The following HMGXB3 variants were observed in gnomAD, a reference collection of about 807,000 sequenced individuals.
HMGXB3 encodes the protein HMG domain-containing protein 3.
HMGXB3 carries 45 observed loss-of-function variants against 121.5 expected under a neutral mutation model. The observed-to-expected ratio is 0.37, with a 90% CI of 0.29 to 0.47. HMGXB3 has a LOEUF of 0.47. Ranked by LOEUF, HMGXB3 falls within the 20% of genes least tolerant of loss-of-function variation. The probability of loss-of-function intolerance (pLI) is 0.99; values close to 1 mark genes in which losing one functional copy is unlikely to be tolerated. For missense variants in HMGXB3, 1,376 were observed against 1,602.2 expected, an observed-to-expected ratio of 0.86 and a Z score of 2.41; for synonymous variants, 590 against 624.1, an observed-to-expected ratio of 0.95 and a Z score of 0.81.
chr5:150,026,739 A>G lies in HMGXB3; in HGVS notation c.1494A>G (p.Pro498=), dbSNP rs1756239696. The G allele has an allele frequency of 1.3e-6, 2 of 1,551,442 alleles. No individual in the cohort carries two copies. The highest frequency in any genetic ancestry group is 1.7e-6 in the Non-Finnish European group (2 of 1,146,926). ...TGCTTACCCCTGGGTCCAGAGCTCC[A>G]GAGCTTAAAGGCAGAGCACGGGGCA... The part of the protein sequence containing the change: ...ADLLTPGSRA[P]ELKGRARGKP... Residue 498 remains proline (P), a synonymous_variant, in exon 8 of 20, where the codon CCA becomes CCG. Coordinates refer to ENST00000502717, the MANE Select transcript of HMGXB3 (RefSeq NM_014983.3).
chr5:150,003,770 C>A (rs1220948011), intron 1 of HMGXB3, among the ~76,000 whole-genome samples: 1 of 151,930 alleles, frequency 6.6e-6, no homozygotes, highest in Non-Finnish European at 1.5e-5. Flanking sequence ...TTGAGACCAG[C>A]CTGGCCAACA....
At chr5:150,037,056 T>C (rs1756517511) in intron 12 of HMGXB3, 119 bp downstream of exon 12, 2 of 910,306 alleles carry the variant, frequency 2.2e-6, no homozygotes, top group African/African-American at 1.7e-5. Context: ...GTTTTTAGGC[T>C]TCCTTTAACT....
chr5:150,008,633 GTCC>G (rs772713116), intron 3 of HMGXB3, among the ~76,000 whole-genome samples: 21 of 152,218 alleles, frequency 1.4e-4, no homozygotes, highest in Non-Finnish European at 2.6e-4. Flanking sequence ...GTGGCAGGCT[GTCC>G]TCCTTAGCAG....
Position 150,045,636 on chromosome 5 carries a change from G to T in HMGXB3, c.2901G>T (p.Val967=). The T allele has an allele frequency of 6.4e-7, 1 of 1,551,766 alleles. No homozygotes were observed. The highest frequency in any genetic ancestry group is 1.4e-5 in the African/African-American group (1 of 73,152). The change falls in exon 16 of 20, where the codon GTG becomes GTT. Residue 967 remains valine, a synonymous_variant. Coordinates refer to ENST00000502717, the MANE Select transcript of HMGXB3 (RefSeq NM_014983.3). ...PFFPPLMRGA[V]VVNTEKDKNL... ...TCCCACCACTCATGAGAGGAGCTGT[G>T]GTCGTCAACACTGAGAAAGACAAAA...
intron 11 of HMGXB3, 40 bp downstream of exon 11, chr5:150,032,643 G>A (rs1457326090): frequency 3.2e-6 from 5 of 1,549,204 alleles, no homozygotes; most frequent in Non-Finnish European, 4.4e-6. Context: ...GGCCTGTTCT[G>A]GGCTCTGTTA....
chr5:150,001,493 A>C (rs1755564057), intron 1 of HMGXB3, among the ~76,000 whole-genome samples: 1 of 152,182 alleles, frequency 6.6e-6, no homozygotes, highest in South Asian at 2.1e-4. Flanking sequence ...GGGACAGAGA[A>C]AGTGTCTCGC....
At chr5:150,006,911 C>T (rs1050720748) in intron 3 of HMGXB3, among the ~76,000 whole-genome samples, 1 of 152,090 alleles carries the variant, frequency 6.6e-6, no homozygotes, top group African/African-American at 2.4e-5. Flanking sequence ...TTTAGTGTAA[C>T]TTGGAGCCCC....
rs141073864 is a variant in HMGXB3 at position 150,052,701 on chromosome 5, T to C, written c.*509T>C. On this transcript the variant is annotated 3_prime_UTR_variant, in exon 20 of 20. Transcript: ENST00000502717. ...CTAGGGGTCCCTTTGGGCTCTTGATTCTCCCTGAAGGAGGGATGCATTTCT... is the reference window on the plus strand; with the variant it reads ...CTAGGGGTCCCTTTGGGCTCTTGATCCTCCCTGAAGGAGGGATGCATTTCT... The C allele has an allele frequency of 0.013, 2,067 of 156,682 alleles. 18 individuals carry two copies. The highest frequency in any genetic ancestry group is 0.02 in the Non-Finnish European group (1,389 of 70,740). The allele number at this position is 156,682 out of a possible 1,614,324, so 9.7% of individuals were successfully genotyped here.
At position 150,026,904 on chromosome 5, in the gene HMGXB3, G is replaced by T. The variant is rs1375271348; in HGVS notation, c.1636+23G>T. 6.6e-7 allele frequency: 1 copy of T among 1,510,728 alleles called. No individual in the cohort carries two copies. The highest frequency in any genetic ancestry group is 8.9e-7 in the Non-Finnish European group (1 of 1,125,066). 93.6% of individuals were successfully genotyped at this position (1,510,728 alleles called of 1,614,324 possible). A position where few individuals can be genotyped will look rare whatever the true frequency, so the allele number is the denominator to read the frequency against. On this transcript the variant is annotated intron_variant, in intron 8 of 19. Coordinates refer to ENST00000502717, the MANE Select transcript of HMGXB3 (RefSeq NM_014983.3). ...GTGGTAAGGGCTGGGACATACCTGG[G>T]ATGGAGGGGCTGTCTGACAGGAAAG...
At chr5:150,009,804 A>G (rs1755787544) in intron 3 of HMGXB3, among the ~76,000 whole-genome samples, 1 of 152,218 alleles carries the variant, frequency 6.6e-6, no homozygotes, top group Non-Finnish European at 1.5e-5. Flanking sequence ...AGGCTATGCC[A>G]GACCTCAGGT....
intron 1 of HMGXB3, among the ~76,000 whole-genome samples, chr5:150,002,205 AT>A (rs1755588981): frequency 6.6e-6 from 1 of 152,162 alleles, no homozygotes; most frequent in Non-Finnish European, 1.5e-5. Context: ...TATAGGTGAA[AT>A]ACAGTGTGTC....
intron 1 of HMGXB3, among the ~76,000 whole-genome samples, chr5:150,001,499 C>T (rs1470229785): frequency 2.0e-5 from 3 of 152,174 alleles, no homozygotes; most frequent in Admixed American, 1.3e-4. Context: ...GAGAAAGTGT[C>T]TCGCATATTT....
chr5:150,040,837 G>A lies in HMGXB3; in HGVS notation c.2503G>A (p.Val835Met), dbSNP rs1216637591. The A allele has an allele frequency of 1.9e-6, 3 of 1,551,792 alleles. No individual in the cohort carries two copies. The highest frequency in any genetic ancestry group is 2.4e-5 in the South Asian group (2 of 84,020). The change falls in exon 14 of 20, where the codon GTG (valine) becomes ATG (methionine). Residue 835 changes from valine to methionine, a missense_variant. By Grantham distance (21) the Val-to-Met change is conservative (BLOSUM62 1). Coordinates refer to ENST00000502717, the MANE Select transcript of HMGXB3 (RefSeq NM_014983.3). Reference sequence around the variant, plus strand: ...GATCAAGCTCGGAGAGGACCCCAGAGTGTCCATCAATGTTGTTCTGAAGTC... The same window carrying A: ...GATCAAGCTCGGAGAGGACCCCAGAATGTCCATCAATGTTGTTCTGAAGTC... ...NQIKLGEDPR[V>M]SINVVLKSVQ...
rs1217138835 is a variant in HMGXB3 at position 150,018,569 on chromosome 5, A to C, written c.913A>C (p.Thr305Pro). The change falls in exon 6 of 20, where the codon ACT (threonine) becomes CCT (proline). Residue 305 changes from threonine to proline, a missense_variant. Around this residue, in one of 2 missense-constraint regions of HMGXB3, gnomAD observed 1,116 missense variants for 1,369.0 expected, o/e 0.82. Transcript: ENST00000502717. ...CTGATGTGCTCTTTATTTACAGACC[A>C]CTACATATACCCGCCGGGGCCATGG... Reference protein sequence around the residue: ...VENPTSIKLTTTYTRRGHGTC... With the variant: ...VENPTSIKLTPTYTRRGHGTC... 1 of 1,545,928 alleles carries C rather than the reference A, an allele frequency of 6.5e-7. No homozygotes were observed. The highest frequency in any genetic ancestry group is 1.2e-5 in the South Asian group (1 of 82,510).
Position 150,048,558 on chromosome 5 carries a change from T to G in HMGXB3, c.3085-11T>G. 6.5e-7 allele frequency: 1 copy of G among 1,537,694 alleles called. No individual in the cohort carries two copies. Among genetic ancestry groups the G allele is most frequent in the Admixed American group, 2.0e-5 (1 of 50,964 alleles). ...CGCCCTTATGTTTTTAATCTTGTCC[T>G]TCTACTCCAGGACCAGCTCTGCTTC... On this transcript the variant is annotated splice_polypyrimidine_tract_variant and intron_variant, in intron 17 of 19. Transcript: ENST00000502717.
Position 150,045,621 on chromosome 5 carries a change from C to T in HMGXB3, c.2886C>T (p.Leu962=). ...TTATTGCCCCCTTCTTCCCACCACT[C>T]ATGAGAGGAGCTGTGGTCGTCAACA... is the stretch of plus-strand genomic sequence containing the variant. ...ASVIAPFFPP[L]MRGAVVVNTE... is the part of the protein sequence containing the mutation. The change falls in exon 16 of 20, where the codon CTC becomes CTT. Residue 962 remains leucine (L), a synonymous_variant. Transcript: ENST00000502717. 6.4e-7 allele frequency: 1 copy of T among 1,551,828 alleles called. No homozygotes were observed. The highest frequency in any genetic ancestry group is 8.7e-7 in the Non-Finnish European group (1 of 1,147,032).
At chr5:150,011,899 G>A (rs562632083) in intron 4 of HMGXB3, among the ~76,000 whole-genome samples, 6 of 152,008 alleles carry the variant, frequency 3.9e-5, no homozygotes, top group African/African-American at 9.7e-5. Flanking sequence ...GGCGTGAGCC[G>A]CCGTGCCCGG....
chr5:150,018,816 T>A, intron 6 of HMGXB3, 119 bp downstream of exon 6: 2 of 924,594 alleles, frequency 2.2e-6, no homozygotes, highest in Non-Finnish European at 3.1e-6. Flanking sequence ...ACTATACAAG[T>A]AAATCATTTC....
In HMGXB3 at chr5:150,052,028, A is replaced by G; in HGVS notation, c.3715A>G (p.Thr1239Ala). Residue 1239 changes from threonine to alanine, a missense_variant, in exon 20 of 20, where the codon ACC (threonine) becomes GCC (alanine). Coordinates refer to ENST00000502717, the MANE Select transcript of HMGXB3 (RefSeq NM_014983.3). ...YLYNRLMDFLTSREIVNRQIH... is the reference protein window; with the variant it reads ...YLYNRLMDFLASREIVNRQIH... ...CTACAACCGCCTCATGGACTTCCTC[A>G]CCAGCCGCGAAATTGTCAATCGTCA... 2 of 1,551,714 alleles carry G rather than the reference A, an allele frequency of 1.3e-6. No homozygotes were observed. The highest frequency in any genetic ancestry group is 2.4e-5 in the East Asian group (1 of 40,924).
Sources: allele counts gnomAD v4.1 joint callset (sites outside exome capture counted in the v4.1 genomes callset), GRCh38; gene constraint gnomAD v4.1.1; regional missense constraint gnomAD v4.1.1; transcripts MANE v1.5; gene names NCBI Gene and HGNC (gene_info 2026-07-23, HGNC 2026-07-21).